Variants in RAPGEF1 observed in about 807,000 individuals in gnomAD.
The protein encoded by RAPGEF1 is Rap guanine nucleotide exchange factor 1, also known as CRK SH3-binding GNRP.
RAPGEF1 carries 33 observed loss-of-function variants against 143.3 expected under a neutral mutation model. The ratio of observed to expected loss-of-function variants is 0.23; its 90% CI spans 0.17 to 0.31. The LOEUF (loss-of-function observed/expected upper bound fraction) is 0.31, where lower values mean the gene tolerates loss of function less well. Among genes scored for constraint, RAPGEF1 ranks in the 10% least tolerant of loss-of-function variants. RAPGEF1 has a pLI of 1.00. For synonymous variants in RAPGEF1, 629 were observed against 676.5 expected (o/e 0.93, Z 1.09); for missense variants, 1,199 against 1,645.4 (o/e 0.73, Z 4.69).
At chr9:131,723,466 C>A (rs545648994) in intron 1 of RAPGEF1, among the ~76,000 whole-genome samples, 1 of 152,282 alleles carries the variant, frequency 6.6e-6, no homozygotes, top group African/African-American at 2.4e-5. Context: ...GCCACCTCAG[C>A]GCCTTTCGGT....
intron 1 of RAPGEF1, among the ~76,000 whole-genome samples, chr9:131,681,334 C>T (rs553127558): frequency 6.6e-6 from 1 of 152,254 alleles, no homozygotes; most frequent in South Asian, 2.1e-4. Context: ...TCTATTCAGG[C>T]AGGAATTCAG....
intron 1 of RAPGEF1, chr9:131,737,477 C>G (rs1322454424): frequency 1.9e-6 from 3 of 1,613,632 alleles, no homozygotes; most frequent in African/African-American, 2.7e-5. Flanking sequence ...GTTAGACAAG[C>G]TTCTCTGGGA....
chr9:131,621,113 C>T lies in RAPGEF1; in HGVS notation c.1905+683G>A, dbSNP rs1008313363. On this transcript the variant is annotated intron_variant, in intron 11 of 26. Transcript: ENST00000683357. This position sits in a 1 kb window ranked among gnomAD's most constrained non-coding sequence, Gnocchi z 4.5. ...TTTGGAGGGATGCCACAGGTACCCC[C>T]GATCTGCTCACCCTCCCAGTGCCTG... Among the ~76,000 whole-genome samples, 8 of 152,250 alleles carry T rather than the reference C, an allele frequency of 5.3e-5. No homozygotes were observed. Among genetic ancestry groups the T allele is most frequent in the South Asian group, 4.1e-4 (2 of 4,828 alleles).
chr9:131,677,374 GAA>G (rs1279264866), intron 1 of RAPGEF1, among the ~76,000 whole-genome samples: 1 of 152,178 alleles, frequency 6.6e-6, no homozygotes, highest in Non-Finnish European at 1.5e-5. Flanking sequence ...GATGATAAAA[GAA>G]AGAGATTATG....
chr9:131,619,220 G>A lies in RAPGEF1; in HGVS notation c.1906-14C>T. 1 of 1,302,700 alleles carries A rather than the reference G, an allele frequency of 7.7e-7. No homozygotes were observed. Among genetic ancestry groups the A allele is most frequent in the Non-Finnish European group, 1.0e-6 (1 of 987,680 alleles). The allele number at this position is 1,302,700 out of a possible 1,614,324, so 80.7% of individuals were successfully genotyped here. ...AGCACAGGAGGCCTGCTGGACAGAGGGGAGGAGAGAGAAGGCAGGGAAGGA... is the reference window on the plus strand; with the variant it reads ...AGCACAGGAGGCCTGCTGGACAGAGAGGAGGAGAGAGAAGGCAGGGAAGGA... On this transcript the variant is annotated splice_polypyrimidine_tract_variant and intron_variant, in intron 11 of 26. Transcript: ENST00000683357.
At chr9:131,717,764 C>CA (rs35660614) in intron 1 of RAPGEF1, among the ~76,000 whole-genome samples, 68,392 of 104,218 alleles carry the variant, frequency 0.66, 22,138 homozygotes, top group Non-Finnish European at 0.74. Context: ...GAGACTGTCT[C>CA]AAAAAAAAAA....
intron 1 of RAPGEF1, among the ~76,000 whole-genome samples, chr9:131,718,349 G>T (rs974135191): frequency 6.6e-6 from 1 of 152,220 alleles, no homozygotes; most frequent in African/African-American, 2.4e-5. Context: ...CGCTTCACAT[G>T]TGTGGGGAAG....
At chr9:131,681,431 T>C (rs1333380470) in intron 1 of RAPGEF1, among the ~76,000 whole-genome samples, 1 of 152,224 alleles carries the variant, frequency 6.6e-6, no homozygotes, top group Non-Finnish European at 1.5e-5. Flanking sequence ...TATAGCTACA[T>C]TTGAGCCTTT....
chr9:131,658,445 T>G (rs12003377), intron 1 of RAPGEF1, among the ~76,000 whole-genome samples: 37,802 of 152,124 alleles, frequency 0.25, 5,136 homozygotes, highest in Non-Finnish European at 0.31. Context: ...ACAGAAAGCC[T>G]CAGACTCTTG....
chr9:131,717,112 C>T (rs1159917348), intron 1 of RAPGEF1, among the ~76,000 whole-genome samples: 6 of 152,194 alleles, frequency 3.9e-5, no homozygotes, highest in Non-Finnish European at 7.4e-5. Context: ...GGGTAATGCC[C>T]GCACTGGGGA....
chr9:131,604,557 G>A (rs1476901354), intron 13 of RAPGEF1, among the ~76,000 whole-genome samples: 1 of 152,226 alleles, frequency 6.6e-6, no homozygotes, highest in Non-Finnish European at 1.5e-5. Flanking sequence ...CTTGCGAAGG[G>A]CTTTGTACCT....
In RAPGEF1 at chr9:131,589,987, C is replaced by T. The variant is rs374497358; in HGVS notation, c.2775-9G>A. 46 of 1,611,882 alleles carry T rather than the reference C, an allele frequency of 2.9e-5. 1 individual carries two copies. Among genetic ancestry groups the T allele is most frequent in the South Asian group, 1.6e-4 (15 of 91,022 alleles). On this transcript the variant is annotated splice_polypyrimidine_tract_variant and intron_variant, in intron 18 of 26. Coordinates refer to ENST00000683357, the MANE Select transcript of RAPGEF1 (RefSeq NM_001377935.1). Reference sequence around the variant, plus strand: ...GAGAGAATTTCTCATATGTGGAGCACGGGTTAAAGAAATAGCCATGTGGTC... The same window carrying T: ...GAGAGAATTTCTCATATGTGGAGCATGGGTTAAAGAAATAGCCATGTGGTC...
At chr9:131,700,014 C>T (rs1412823447) in intron 1 of RAPGEF1, among the ~76,000 whole-genome samples, 1 of 152,164 alleles carries the variant, frequency 6.6e-6, no homozygotes, top group East Asian at 1.9e-4. Flanking sequence ...TCTGTACCCA[C>T]ACAGCCCCAA....
chr9:131,627,370 A>G (rs1963520134), intron 9 of RAPGEF1, among the ~76,000 whole-genome samples: 2 of 152,152 alleles, frequency 1.3e-5, no homozygotes, highest in Admixed American at 1.3e-4. Flanking sequence ...CTACCAATGA[A>G]AATCTTGCTA....
At chr9:131,682,168 T>A (rs940492201) in intron 1 of RAPGEF1, among the ~76,000 whole-genome samples, 7 of 151,920 alleles carry the variant, frequency 4.6e-5, no homozygotes, top group African/African-American at 1.7e-4. Context: ...TAAAAAAGAA[T>A]GTAGAAAAAA....
intron 1 of RAPGEF1, among the ~76,000 whole-genome samples, chr9:131,736,732 A>G (rs1023667870): frequency 3.3e-5 from 5 of 152,238 alleles, no homozygotes; most frequent in African/African-American, 1.2e-4. Context: ...TGCCTTAAGC[A>G]CTGAGAACTA....
At chr9:131,703,688 T>TA (rs1834835858) in intron 1 of RAPGEF1, among the ~76,000 whole-genome samples, 1 of 152,094 alleles carries the variant, frequency 6.6e-6, no homozygotes, top group Non-Finnish European at 1.5e-5. Context: ...TTCAACACCA[T>TA]AAAAAGCACT....
chr9:131,678,700 C>A (rs1832651610), intron 1 of RAPGEF1, among the ~76,000 whole-genome samples: 2 of 152,232 alleles, frequency 1.3e-5, no homozygotes, highest in African/African-American at 4.8e-5. Context: ...CTGACACACA[C>A]CCGTGCCCAC....
intron 3 of RAPGEF1, among the ~76,000 whole-genome samples, chr9:131,649,030 GTTTT>G (rs1224622196): frequency 6.6e-6 from 1 of 151,736 alleles, no homozygotes; most frequent in Non-Finnish European, 1.5e-5. Context: ...GCTAAGTTTA[GTTTT>G]ATTTATTTAT....
Sources: gnomAD v4.1 joint callset for allele counts (sites outside exome capture counted in the v4.1 genomes callset) on GRCh38, gnomAD v4.1.1 for gene constraint, Gnocchi (gnomAD v3.1) non-coding constraint, MANE v1.5 for transcripts, NCBI Gene and HGNC (gene_info 2026-07-23, HGNC 2026-07-21) for gene names.